Variants in GATA3 observed in about 807,000 individuals in gnomAD.
GATA3 encodes trans-acting T-cell-specific transcription factor GATA-3.
A neutral mutation model predicts 36.0 loss-of-function variants in GATA3; 6 were observed. The ratio of observed to expected loss-of-function variants is 0.17; its 90% CI spans 0.09 to 0.33. GATA3 has a LOEUF of 0.33. GATA3 is among the 10% of genes least tolerant of loss of function. GATA3 has a pLI of 1.00. For missense variants in GATA3, 514 were observed against 610.1 expected, an observed-to-expected ratio of 0.84 and a Z score of 1.66; for synonymous variants, 326 against 273.0, an observed-to-expected ratio of 1.19 and a Z score of -1.92.
In GATA3 at chr10:8,058,392, C is replaced by G; in HGVS notation, c.329C>G (p.Ser110Cys). ...GKALGSHHTA[S>C]PWNLSPFSKT... is the part of the protein sequence containing the mutation. ...GCCCTGGGCAGCCACCACACCGCCT[C>G]CCCCTGGAATCTCAGCCCCTTCTCC... is the stretch of plus-strand genomic sequence containing the variant. Residue 110 changes from serine (S) to cysteine (C), a missense_variant, in exon 3 of 6, where the codon TCC (serine) becomes TGC (cysteine). Around this residue, in one of 3 missense-constraint regions of GATA3, gnomAD observed 381 missense variants for 354.3 expected, o/e 1.08. Transcript: ENST00000379328. 6.2e-7 allele frequency: 1 copy of G among 1,612,782 alleles called. No individual in the cohort carries two copies. Among genetic ancestry groups the G allele is most frequent in the East Asian group, 2.2e-5 (1 of 44,876 alleles).
chr10:8,073,690 G>C (rs2131519510), intron 5 of GATA3, 49 bp from the exon 6 acceptor site: 2 of 1,536,380 alleles, frequency 1.3e-6, no homozygotes, highest in Non-Finnish European at 1.7e-6. Context: ...GTGCATTTCA[G>C]AGGCAGCAAA....
chr10:8,053,287 C>T (rs1832546203), upstream of GATA3: 1 of 152,180 alleles, frequency 6.6e-6, no homozygotes, highest in Non-Finnish European at 1.5e-5. The surrounding 1 kb of genome is among the most constrained non-coding windows in gnomAD (Gnocchi z 5.1). Flanking sequence ...AAATAAAACC[C>T]CAAATTAAGC....
intron 5 of GATA3, among the ~76,000 whole-genome samples, chr10:8,073,144 C>CAAA (rs11335485): frequency 8.6e-5 from 6 of 69,976 alleles, no homozygotes; most frequent in Admixed American, 1.9e-4. Flanking sequence ...GACTTCGTCT[C>CAAA]AAAAAAAAAA....
intron 4 of GATA3, among the ~76,000 whole-genome samples, chr10:8,066,470 A>T (rs1832845326): frequency 6.8e-6 from 1 of 147,914 alleles, no homozygotes; most frequent in Non-Finnish European, 1.5e-5. Flanking sequence ...TTTAGCCCTG[A>T]GATGTATTTG....
chr10:8,072,466 T>C (rs888917774), intron 5 of GATA3, among the ~76,000 whole-genome samples: 42 of 152,358 alleles, frequency 2.8e-4, no homozygotes, highest in African/African-American at 9.9e-4. Context: ...AGATGTCTGC[T>C]GTTGGGGTTA....
chr10:8,053,720 G>A (rs968418112), upstream of GATA3: 1 of 152,338 alleles, frequency 6.6e-6, no homozygotes, highest in Non-Finnish European at 1.5e-5. The surrounding 1 kb of genome is among the most constrained non-coding windows in gnomAD (Gnocchi z 5.1). Flanking sequence ...GCCGGGGTTG[G>A]GGTCGGTGCA....
At chr10:8,061,682 G>A (rs35915743) in intron 3 of GATA3, among the ~76,000 whole-genome samples, 3,266 of 152,350 alleles carry the variant, frequency 0.021, 54 homozygotes, top group South Asian at 0.062. Context: ...AATTACCCTA[G>A]TGTGCAGAAC....
chr10:8,056,139 G>A (rs1433084737), intron 2 of GATA3, among the ~76,000 whole-genome samples: 1 of 152,140 alleles, frequency 6.6e-6, no homozygotes. Flanking sequence ...GGGGCCTGGC[G>A]CTCACCTGGC....
At position 8,073,765 on chromosome 10, in the gene GATA3, G is replaced by T; in HGVS notation, c.1077G>T (p.Lys359Asn). ...HNINRPLTMKKEGIQTRNRKM... is the reference protein window; with the variant it reads ...HNINRPLTMKNEGIQTRNRKM... ...TTAACAGACCCCTGACTATGAAGAAGGAAGGCATCCAGACCAGAAACCGAA... is the reference window on the plus strand; with the variant it reads ...TTAACAGACCCCTGACTATGAAGAATGAAGGCATCCAGACCAGAAACCGAA... Residue 359 changes from lysine (K) to asparagine (N), a missense_variant, in exon 6 of 6, where the codon AAG (lysine) becomes AAT (asparagine). Physicochemically the swap from Lys to Asn is moderately conservative, Grantham distance 94 (BLOSUM62 0). This residue lies in a region of GATA3 where 44 missense variants were observed against 151.5 expected (regional missense o/e 0.29). Coordinates refer to ENST00000379328, the MANE Select transcript of GATA3 (RefSeq NM_001002295.2). 6.2e-7 allele frequency: 1 copy of T among 1,613,250 alleles called. No individual in the cohort carries two copies. Among genetic ancestry groups the T allele is most frequent in the Non-Finnish European group, 8.5e-7 (1 of 1,179,810 alleles).
In GATA3 at chr10:8,054,902, G is replaced by GT. The variant is rs1308449854; in HGVS notation, c.-370+12dup. ...CTCTTCGCTACCCAGGTTGGTACTG[G>GT]TGACTTTTTTTTTTTTTAAGTTTGA... On this transcript the variant is annotated intron_variant, in intron 1 of 5. Coordinates refer to ENST00000379328, the MANE Select transcript of GATA3 (RefSeq NM_001002295.2). The surrounding 1 kb of genome is among the most constrained non-coding windows in gnomAD (Gnocchi z 4.2). The GT allele has an allele frequency of 1.4e-5, 2 of 144,144 alleles. No homozygotes were observed. The highest frequency in any genetic ancestry group is 6.0e-5 in the African/African-American group (2 of 33,370). 8.9% of individuals were successfully genotyped at this position (144,144 alleles called of 1,614,324 possible).
At chr10:8,060,796 T>G (rs183711304) in intron 3 of GATA3, among the ~76,000 whole-genome samples, 14 of 152,326 alleles carry the variant, frequency 9.2e-5, no homozygotes, top group African/African-American at 2.9e-4. Context: ...GGCCGTGGTT[T>G]CCCTAAGCCA....
intron 4 of GATA3, among the ~76,000 whole-genome samples, chr10:8,069,144 A>G (rs2131510513): frequency 6.6e-6 from 1 of 152,310 alleles, no homozygotes. Context: ...ACCCATAAAA[A>G]TTAACCCTCT....
chr10:8,066,139 G>T (rs1371720160), intron 4 of GATA3, among the ~76,000 whole-genome samples: 2 of 152,018 alleles, frequency 1.3e-5, no homozygotes, highest in African/African-American at 4.8e-5. Flanking sequence ...GGCATGGGCT[G>T]ATTGGTGAGC....
chr10:8,069,332 T>G, intron 4 of GATA3, 141 bp from the exon 5 acceptor site: 1 of 874,522 alleles, frequency 1.1e-6, no homozygotes, highest in Non-Finnish European at 1.8e-6. Context: ...CTGTATTACT[T>G]TCATGTGGAC....
chr10:8,058,447 G>A lies in GATA3; in HGVS notation c.384G>A (p.Gly128=), dbSNP rs1426221931. The part of the protein sequence containing the change: ...SKTSIHHGSP[G]PLSVYPPASS... ...CGTCCATCCACCACGGCTCCCCGGG[G>A]CCCCTCTCCGTCTACCCCCCGGCCT... Residue 128 remains glycine, a synonymous_variant, in exon 3 of 6, where the codon GGG becomes GGA. Coordinates refer to ENST00000379328, the MANE Select transcript of GATA3 (RefSeq NM_001002295.2). 6.2e-7 allele frequency: 1 copy of A among 1,612,764 alleles called. No homozygotes were observed. Among genetic ancestry groups the A allele is most frequent in the Non-Finnish European group, 8.5e-7 (1 of 1,179,890 alleles).
chr10:8,048,038 G>C (rs403029), intron 1 of GATA3, among the ~76,000 whole-genome samples: 106,501 of 151,996 alleles, frequency 0.7, 38,287 homozygotes, highest in East Asian at 0.95. Context: ...TTTCCTATCC[G>C]TGCTGTGAAC....
chr10:8,065,980 A>AAG (rs1212543564), intron 4 of GATA3, among the ~76,000 whole-genome samples: 71 of 104,204 alleles, frequency 6.8e-4, no homozygotes, highest in Middle Eastern at 4.8e-3. Context: ...AAAAAAAAAA[A>AAG]AGAGAGAGAG....
At chr10:8,066,197 G>A (rs1832839273) in intron 4 of GATA3, among the ~76,000 whole-genome samples, 1 of 152,088 alleles carries the variant, frequency 6.6e-6, no homozygotes, top group East Asian at 1.9e-4. Flanking sequence ...TGTCTGGTCA[G>A]ATTGCAGAGG....
chr10:8,056,028 A>G, intron 2 of GATA3, 132 bp downstream of exon 2: 1 of 1,279,532 alleles, frequency 7.8e-7, no homozygotes, highest in Non-Finnish European at 1.1e-6. Flanking sequence ...TTCATTTACA[A>G]AAAAATTGGG....
Sources: allele counts gnomAD v4.1 joint callset (sites outside exome capture counted in the v4.1 genomes callset), GRCh38; gene constraint gnomAD v4.1.1; regional missense constraint gnomAD v4.1.1; non-coding constraint Gnocchi (gnomAD v3.1); transcripts MANE v1.5; gene names NCBI Gene and HGNC (gene_info 2026-07-23, HGNC 2026-07-21).